The following FAM168A variants were observed in gnomAD, a reference collection of about 807,000 sequenced individuals.
FAM168A encodes protein FAM168A.
A neutral mutation model predicts 28.5 loss-of-function variants in FAM168A; 3 were observed. That is an observed-to-expected ratio of 0.11 (90% CI 0.05 to 0.27). FAM168A has a LOEUF of 0.27. Ranked by LOEUF, FAM168A falls within the 10% of genes least tolerant of loss-of-function variation. FAM168A has a pLI of 1.00. For missense variants in FAM168A, 222 were observed against 311.5 expected (o/e 0.71, Z 2.16); for synonymous variants, 122 against 124.2 (o/e 0.98, Z 0.12).
intron 1 of FAM168A, among the ~76,000 whole-genome samples, chr11:73,595,864 C>T (rs1944435450): frequency 6.6e-6 from 1 of 152,202 alleles, no homozygotes; most frequent in Admixed American, 6.5e-5. Context: ...GAAATACAGT[C>T]CAATTATTCT....
At chr11:73,433,594 TC>T (rs1394634948) in intron 2 of FAM168A, among the ~76,000 whole-genome samples, 1 of 152,106 alleles carries the variant, frequency 6.6e-6, no homozygotes, top group East Asian at 1.9e-4. Context: ...AGTTATATAT[TC>T]TACTTTTTCA....
At chr11:73,445,419 C>CTTTTTTTTTTATTTTTTT (rs1867285178) in intron 2 of FAM168A, among the ~76,000 whole-genome samples, 1 of 50,432 alleles carries the variant, frequency 2.0e-5, no homozygotes, top group African/African-American at 7.1e-5. Flanking sequence ...AAAAATGTCT[C>CTTTTTTTTTTATTTTTTT]TTTTTTTTTT....
At position 73,404,190 on chromosome 11, in the gene FAM168A, C is replaced by A; in HGVS notation, c.*2573G>T. On this transcript the variant is annotated 3_prime_UTR_variant, in exon 8 of 8. Transcript: ENST00000356467. ...AAGAACAAAAGTTACAAGGTCATTCCTAGGTCTCCTCTTCTTCCTTTCTCC... is the reference window on the plus strand; with the variant it reads ...AAGAACAAAAGTTACAAGGTCATTCATAGGTCTCCTCTTCTTCCTTTCTCC... The A allele has an allele frequency of 6.6e-6, 1 of 152,320 alleles. No individual in the cohort carries two copies. The allele number at this position is 152,320 out of a possible 1,614,324, so 9.4% of individuals were successfully genotyped here.
At chr11:73,554,022 TA>T (rs1431917900) in intron 1 of FAM168A, among the ~76,000 whole-genome samples, 2 of 150,522 alleles carry the variant, frequency 1.3e-5, no homozygotes, top group Non-Finnish European at 3.0e-5. Context: ...AAAATAAAAA[TA>T]AATTATACCT....
rs780291870 is a variant in FAM168A at position 73,596,904 on chromosome 11, C to T, written c.-19+1019G>A. Among the ~76,000 whole-genome samples, 132 of 152,296 alleles carry T rather than the reference C, an allele frequency of 8.7e-4. 3 individuals are homozygous for T. The highest frequency in any genetic ancestry group is 2.5e-4 in the Non-Finnish European group (17 of 68,024). Reference sequence around the variant, plus strand: ...CGAAAGTCCTTCTCCAAAACTCCCTCTGCCACCTTGGCCAAGGGATATTTT... The same window carrying T: ...CGAAAGTCCTTCTCCAAAACTCCCTTTGCCACCTTGGCCAAGGGATATTTT... On this transcript the variant is annotated intron_variant, in intron 1 of 7. Coordinates refer to ENST00000356467, the MANE Select transcript of FAM168A (RefSeq NM_015159.3).
chr11:73,501,386 T>C (rs571881088), intron 1 of FAM168A, among the ~76,000 whole-genome samples: 1 of 152,268 alleles, frequency 6.6e-6, no homozygotes, highest in East Asian at 1.9e-4. Flanking sequence ...CAACAGAATA[T>C]ACATTCCTCT....
chr11:73,437,784 C>T (rs1867118682), intron 2 of FAM168A, among the ~76,000 whole-genome samples: 1 of 152,058 alleles, frequency 6.6e-6, no homozygotes, highest in African/African-American at 2.4e-5. Flanking sequence ...GTTCTACCCT[C>T]ACAGAACATG....
At chr11:73,419,730 G>A (rs1003408109) in intron 4 of FAM168A, 144 bp downstream of exon 4, 15 of 905,144 alleles carry the variant, frequency 1.7e-5, no homozygotes, top group South Asian at 1.4e-4. Context: ...ATAAGGAGGG[G>A]TAATTTTTTG....
chr11:73,481,084 ATTC>A (rs913132816), intron 1 of FAM168A, among the ~76,000 whole-genome samples: 9 of 151,876 alleles, frequency 5.9e-5, no homozygotes, highest in Admixed American at 3.3e-4. Flanking sequence ...AGTCTGGATA[ATTC>A]TTCTTCTTCT....
At chr11:73,586,477 C>A (rs555294195) in intron 1 of FAM168A, among the ~76,000 whole-genome samples, 2 of 152,272 alleles carry the variant, frequency 1.3e-5, no homozygotes, top group East Asian at 3.9e-4. Context: ...AATATGGCCA[C>A]ATACACACAG....
chr11:73,441,723 C>T (rs956364154), intron 2 of FAM168A, among the ~76,000 whole-genome samples: 6 of 152,168 alleles, frequency 3.9e-5, no homozygotes, highest in African/African-American at 9.7e-5. Context: ...TATTTCTTCA[C>T]GAGTCGGTGT....
chr11:73,415,334 T>G lies in FAM168A; in HGVS notation c.278-3798A>C, dbSNP rs944714911. Among the ~76,000 whole-genome samples the G allele has an allele frequency of 3.9e-5, 6 of 152,204 alleles. 1 individual carries two copies. The highest frequency in any genetic ancestry group is 7.3e-5 in the Non-Finnish European group (5 of 68,034). On this transcript the variant is annotated intron_variant, in intron 4 of 7. Coordinates refer to ENST00000356467, the MANE Select transcript of FAM168A (RefSeq NM_015159.3). ...ATTTCACAGATGAGATAATGAGTAGTTGCTGAAAGAGAGAGCTGTTTGTGG... is the reference window on the plus strand; with the variant it reads ...ATTTCACAGATGAGATAATGAGTAGGTGCTGAAAGAGAGAGCTGTTTGTGG...
chr11:73,573,118 C>T (rs1210920818), intron 1 of FAM168A, among the ~76,000 whole-genome samples: 1 of 152,204 alleles, frequency 6.6e-6, no homozygotes, highest in Non-Finnish European at 1.5e-5. Context: ...CTGAGAGACA[C>T]CACTGGATTC....
chr11:73,422,639 T>G (rs1346948230), intron 3 of FAM168A, among the ~76,000 whole-genome samples: 1 of 152,262 alleles, frequency 6.6e-6, no homozygotes, highest in Non-Finnish European at 1.5e-5. Context: ...CTTTGGGTGC[T>G]TGAAAAGTAC....
At chr11:73,593,942 G>A (rs1428677424) in intron 1 of FAM168A, among the ~76,000 whole-genome samples, 1 of 152,140 alleles carries the variant, frequency 6.6e-6, no homozygotes, top group African/African-American at 2.4e-5. Flanking sequence ...TCTTTCCCAT[G>A]ACACTGAAAG....
At chr11:73,441,892 TTC>T (rs1287829668) in intron 2 of FAM168A, among the ~76,000 whole-genome samples, 4 of 152,200 alleles carry the variant, frequency 2.6e-5, no homozygotes, top group Non-Finnish European at 2.9e-5. Flanking sequence ...AATTGGAGAC[TTC>T]TCTCTTTTGT....
chr11:73,466,617 T>C (rs1434251680), intron 2 of FAM168A, among the ~76,000 whole-genome samples: 2 of 152,192 alleles, frequency 1.3e-5, no homozygotes, highest in African/African-American at 2.4e-5. Flanking sequence ...TATCTTTACT[T>C]AGATCTTCCA....
chr11:73,445,457 ACAGGGTCTCAATATGTTACC>A (rs1229295764), intron 2 of FAM168A, among the ~76,000 whole-genome samples: 4 of 88,902 alleles, frequency 4.5e-5, no homozygotes, highest in Non-Finnish European at 8.2e-5. Flanking sequence ...TTTGGTAGAG[ACAGGGTCTCAATATGTTACC>A]CAGGCTGGTC....
chr11:73,457,723 C>CAAAA (rs58142151), intron 2 of FAM168A, among the ~76,000 whole-genome samples: 636 of 37,654 alleles, frequency 0.017, 4 homozygotes, highest in Non-Finnish European at 0.04. Context: ...GCCTGGGTGA[C>CAAAA]AAAAAAAAAA....
Sources: gnomAD v4.1 joint callset for allele counts (sites outside exome capture counted in the v4.1 genomes callset) on GRCh38, gnomAD v4.1.1 for gene constraint, MANE v1.5 for transcripts, NCBI Gene and HGNC (gene_info 2026-07-23, HGNC 2026-07-21) for gene names.